MYO1H: variants seen among roughly 807,000 people sequenced by gnomAD.
MYO1H encodes the protein unconventional myosin-Ih.
Under a neutral mutation model 149.3 loss-of-function variants are expected in MYO1H, and 118 were observed. The ratio of observed to expected loss-of-function variants is 0.79; its 90% CI spans 0.68 to 0.92. The LOEUF is 0.92. Ranked by LOEUF, MYO1H falls within the 40% of genes least tolerant of loss-of-function variation. The pLI is 0.00. For synonymous variants in MYO1H, 447 were observed against 465.2 expected (o/e 0.96, Z 0.50); for missense variants, 1,212 against 1,280.7 (o/e 0.95, Z 0.82).
At chr12:109,336,161 T>G in the MYO1H span, among the ~76,000 whole-genome samples, 3 of 152,138 alleles carry the variant, frequency 2.0e-5, no homozygotes, top group Admixed American at 6.6e-5. Flanking sequence ...TGAATCCATT[T>G]TGCTGTCCCT....
the MYO1H span, among the ~76,000 whole-genome samples, chr12:109,311,476 A>T: frequency 6.6e-6 from 1 of 152,190 alleles, no homozygotes; most frequent in African/African-American, 2.4e-5. Context: ...CCTTATATAA[A>T]TACATGGCAT....
At chr12:109,432,418 C>G (rs567784746) in intron 19 of MYO1H, among the ~76,000 whole-genome samples, 1 of 152,160 alleles carries the variant, frequency 6.6e-6, no homozygotes, top group Non-Finnish European at 1.5e-5. Flanking sequence ...GCACCATACC[C>G]GGTCTCAAGC....
At chr12:109,407,743 T>G in intron 9 of MYO1H, 51 bp from the exon 10 acceptor site, 1 of 1,596,968 alleles carries the variant, frequency 6.3e-7, no homozygotes, top group Non-Finnish European at 8.5e-7. Flanking sequence ...TTGAACACTC[T>G]GGGGGCTTCT....
At chr12:109,354,293 A>AT (rs1475807685) in intron 1 of MYO1H, 1 of 152,130 alleles carries the variant, frequency 6.6e-6, no homozygotes, top group African/African-American at 2.4e-5. Context: ...CTCCCTTGCC[A>AT]TAATAAGCTA....
intron 19 of MYO1H, among the ~76,000 whole-genome samples, chr12:109,432,416 C>CCCGG (rs1189528700): frequency 6.6e-6 from 1 of 152,256 alleles, no homozygotes; most frequent in African/African-American, 2.4e-5. Context: ...AGGCACCATA[C>CCCGG]CCGGTCTCAA....
At chr12:109,406,833 C>T in exon 9 of MYO1H, 1 of 1,613,966 alleles carries the variant, frequency 6.2e-7, no homozygotes, top group Non-Finnish European at 8.5e-7. Context: ...CTCTCACCCA[C>T]AGAAAAATTG....
At position 109,377,968 on chromosome 12, in the gene MYO1H, A is replaced by G. The variant is rs573448867; in HGVS notation, c.13-10715A>G. Among the ~76,000 whole-genome samples, 9 of 152,308 alleles carry G rather than the reference A, an allele frequency of 5.9e-5. No homozygotes were observed. The East Asian group carries it at 1.7e-3, about 29-fold the overall frequency. ...CACAATGTCATTTCCTCCGTATTTCAGTATTTATTTCTAAGTGATACAGAA... is the reference window on the plus strand; with the variant it reads ...CACAATGTCATTTCCTCCGTATTTCGGTATTTATTTCTAAGTGATACAGAA... On this transcript the variant is annotated intron_variant, in intron 1 of 31. Coordinates refer to ENST00000310903, the Ensembl canonical transcript of MYO1H.
At chr12:109,391,172 C>T (rs1445271411) in intron 2 of MYO1H, among the ~76,000 whole-genome samples, 4 of 152,136 alleles carry the variant, frequency 2.6e-5, no homozygotes, top group Admixed American at 6.5e-5. Flanking sequence ...CACAGATCAT[C>T]CCATCACCAA....
intron 6 of MYO1H, among the ~76,000 whole-genome samples, chr12:109,402,599 C>T (rs1031963098): frequency 6.6e-6 from 1 of 152,068 alleles, no homozygotes; most frequent in African/African-American, 2.4e-5. Flanking sequence ...AAGACCCCAT[C>T]TCTAAATGTA....
intron 25 of MYO1H, 32 bp downstream of exon 25, chr12:109,440,859 T>C (rs1418346668): frequency 8.8e-7 from 1 of 1,135,620 alleles, no homozygotes; most frequent in Non-Finnish European, 1.3e-6. Context: ...TGGCCGGTGG[T>C]GGGGGTGGGT....
chr12:109,413,070 G>A (rs12229014), intron 14 of MYO1H, among the ~76,000 whole-genome samples: 56 of 152,028 alleles, frequency 3.7e-4, no homozygotes, highest in Admixed American at 1.2e-3. Context: ...TCCACCTCCC[G>A]GGTTCAAGTG....
chr12:109,414,699 G>A (rs1471023179), intron 14 of MYO1H, among the ~76,000 whole-genome samples: 2 of 151,920 alleles, frequency 1.3e-5, no homozygotes, highest in African/African-American at 4.8e-5. Context: ...TGGGAAGAAA[G>A]GATCTAATTT....
At chr12:109,426,116 A>T in intron 18 of MYO1H, 65 bp downstream of exon 18, 1 of 1,155,490 alleles carries the variant, frequency 8.7e-7, no homozygotes, top group South Asian at 1.3e-5. Flanking sequence ...GCAAGGTGGC[A>T]GTGGGTTGGG....
chr12:109,405,403 C>T (rs1002581365), intron 7 of MYO1H, among the ~76,000 whole-genome samples: 62 of 152,248 alleles, frequency 4.1e-4, no homozygotes, highest in African/African-American at 1.4e-3. Context: ...CTCCGCCTCC[C>T]GGGTTCAAGC....
At chr12:109,350,118 G>A (rs1050061313) in intron 1 of MYO1H, among the ~76,000 whole-genome samples, 5 of 151,988 alleles carry the variant, frequency 3.3e-5, no homozygotes, top group African/African-American at 7.2e-5. Context: ...TGATTTTAGC[G>A]AGCATTTGCT....
At position 109,443,138 on chromosome 12, in the gene MYO1H, GTA is replaced by G. The variant is rs202060415; in HGVS notation, c.2689-372_2689-371del. ...TGTATATGTGTACGTATATATGTGT[GTA>G]TATGTGTACGTATGTGTGTGTATAT... On this transcript the variant is annotated intron_variant, in intron 27 of 31. Coordinates refer to ENST00000310903, the Ensembl canonical transcript of MYO1H. Among the ~76,000 whole-genome samples the G allele has an allele frequency of 3.0e-3, 180 of 60,926 alleles. 41 individuals are homozygous for G. The South Asian group carries it at 0.063, about 21-fold the overall frequency. 40.0% of individuals were successfully genotyped at this position (60,926 alleles called of 152,430 possible).
At chr12:109,378,966 G>A (rs1777038779) in intron 1 of MYO1H, among the ~76,000 whole-genome samples, 1 of 152,154 alleles carries the variant, frequency 6.6e-6, no homozygotes, top group Non-Finnish European at 1.5e-5. Context: ...TTAGGTGATG[G>A]TATACTACAG....
the MYO1H span, among the ~76,000 whole-genome samples, chr12:109,331,967 C>A: frequency 6.6e-6 from 1 of 152,144 alleles, no homozygotes; most frequent in East Asian, 1.9e-4. Context: ...CTATTTAACT[C>A]CTCTATGCTT....
At chr12:109,442,242 G>A in exon 27 of MYO1H, 4 of 1,613,916 alleles carry the variant, frequency 2.5e-6, no homozygotes, top group Non-Finnish European at 3.4e-6. Context: ...ATCCGAAAGT[G>A]CTTCAGCTAA....
Sources: allele counts gnomAD v4.1 joint callset (sites outside exome capture counted in the v4.1 genomes callset), GRCh38; gene constraint gnomAD v4.1.1; transcripts MANE v1.5; gene names NCBI Gene and HGNC (gene_info 2026-07-23, HGNC 2026-07-21).